GALNTL6: variants seen among roughly 807,000 people sequenced by gnomAD.
GALNTL6 encodes polypeptide N-acetylgalactosaminyltransferase like 6.
In GALNTL6, 46 loss-of-function variants were observed where a neutral mutation model predicts 73.7. That is an observed-to-expected ratio of 0.62 (90% confidence interval 0.49 to 0.80). The LOEUF is 0.80. Among genes scored for constraint, GALNTL6 ranks in the 30% least tolerant of loss-of-function variants. The probability of loss-of-function intolerance (pLI) is 0.00; values close to 1 mark genes in which losing one functional copy is unlikely to be tolerated. For missense variants in GALNTL6, 604 were observed against 755.0 expected, an observed-to-expected ratio of 0.80 and a Z score of 2.34; for synonymous variants, 259 against 263.7, an observed-to-expected ratio of 0.98 and a Z score of 0.17.
chr4:172,225,563 A>AAAAAGGAATTATTTTT (rs1280351040), intron 2 of GALNTL6, among the ~76,000 whole-genome samples: 3 of 152,020 alleles, frequency 2.0e-5, no homozygotes, highest in East Asian at 3.9e-4. Context: ...GATTTACTAG[A>AAAAAGGAATTATTTTT]CCTGAGCTGG....
chr4:172,849,740 T>C (rs1243525784), intron 7 of GALNTL6, among the ~76,000 whole-genome samples: 1 of 152,224 alleles, frequency 6.6e-6, no homozygotes, highest in African/African-American at 2.4e-5. Flanking sequence ...TTGTTTTTAA[T>C]CTACATGCAA....
At chr4:171,852,985 T>C (rs900602572) in intron 2 of GALNTL6, among the ~76,000 whole-genome samples, 2 of 149,474 alleles carry the variant, frequency 1.3e-5, no homozygotes, top group Non-Finnish European at 3.0e-5. Context: ...TAGCTGGGAC[T>C]ACAGGCGCCG....
At chr4:172,652,108 T>A (rs935530193) in intron 5 of GALNTL6, among the ~76,000 whole-genome samples, 18 of 152,198 alleles carry the variant, frequency 1.2e-4, no homozygotes, top group African/African-American at 4.1e-4. Context: ...ACTGGACAAC[T>A]GGAAAAGTCA....
intron 5 of GALNTL6, among the ~76,000 whole-genome samples, chr4:172,732,389 C>A (rs1736203710): frequency 6.6e-6 from 1 of 152,090 alleles, no homozygotes; most frequent in South Asian, 2.1e-4. Context: ...GCACAGAATA[C>A]CTTTTCCATC....
intron 2 of GALNTL6, among the ~76,000 whole-genome samples, chr4:171,904,462 C>T (rs897930744): frequency 4.6e-5 from 7 of 152,046 alleles, no homozygotes; most frequent in African/African-American, 7.2e-5. Context: ...TAAAAAGAAA[C>T]GAGTAAAGCC....
intron 3 of GALNTL6, among the ~76,000 whole-genome samples, chr4:172,236,610 A>G (rs943973192): frequency 5.9e-5 from 9 of 151,960 alleles, no homozygotes; most frequent in Admixed American, 1.3e-4. Context: ...ATTTCATTAC[A>G]TACTTTGTTA....
At chr4:172,941,610 A>G (rs182117604) in intron 9 of GALNTL6, among the ~76,000 whole-genome samples, 87 of 152,286 alleles carry the variant, frequency 5.7e-4, no homozygotes, top group African/African-American at 2.0e-3. Context: ...CATTATCCCC[A>G]TTAGAACTGA....
chr4:172,688,525 A>C (rs1158129289), intron 5 of GALNTL6, among the ~76,000 whole-genome samples: 2 of 152,230 alleles, frequency 1.3e-5, no homozygotes, highest in African/African-American at 2.4e-5. Flanking sequence ...TGAACAACCC[A>C]AAAATCCCCC....
At chr4:172,587,205 C>T (rs1213581974) in intron 5 of GALNTL6, among the ~76,000 whole-genome samples, 1 of 152,166 alleles carries the variant, frequency 6.6e-6, no homozygotes, top group Admixed American at 6.5e-5. Flanking sequence ...TGAAGGAAAC[C>T]ATAGACTTCT....
intron 9 of GALNTL6, among the ~76,000 whole-genome samples, chr4:172,951,575 A>G (rs1749446267): frequency 6.6e-6 from 1 of 152,238 alleles, no homozygotes; most frequent in Non-Finnish European, 1.5e-5. Context: ...TGATCTCTCT[A>G]AAGTTGGGGG....
chr4:172,916,265 T>C (rs1438771834), intron 8 of GALNTL6, among the ~76,000 whole-genome samples: 4 of 152,082 alleles, frequency 2.6e-5, no homozygotes, highest in Non-Finnish European at 5.9e-5. Flanking sequence ...TAAGAGCTAT[T>C]TATGACAAAC....
At chr4:172,976,805 C>T (rs1477582350) in intron 10 of GALNTL6, among the ~76,000 whole-genome samples, 1 of 152,162 alleles carries the variant, frequency 6.6e-6, no homozygotes, top group Non-Finnish European at 1.5e-5. Flanking sequence ...AACCTAGAAA[C>T]ATTCTTTTAC....
At chr4:172,755,736 C>T (rs1480597947) in intron 5 of GALNTL6, among the ~76,000 whole-genome samples, 2 of 152,146 alleles carry the variant, frequency 1.3e-5, no homozygotes, top group Non-Finnish European at 2.9e-5. Context: ...TGGGAGATTG[C>T]ACTATGACTT....
At chr4:172,769,206 A>C (rs1738617227) in intron 5 of GALNTL6, among the ~76,000 whole-genome samples, 1 of 152,176 alleles carries the variant, frequency 6.6e-6, no homozygotes, top group African/African-American at 2.4e-5. Flanking sequence ...TAGTTAGAGT[A>C]GCACAATCAA....
At chr4:171,917,354 C>A (rs1209830330) in intron 2 of GALNTL6, among the ~76,000 whole-genome samples, 1 of 151,808 alleles carries the variant, frequency 6.6e-6, no homozygotes. Context: ...GCTAATTTGC[C>A]AAGGATTTGA....
At chr4:171,924,723 A>G (rs2110985614) in intron 2 of GALNTL6, among the ~76,000 whole-genome samples, 1 of 152,330 alleles carries the variant, frequency 6.6e-6, no homozygotes, top group East Asian at 1.9e-4. Context: ...CTTGTTTATC[A>G]GAACATGACT....
chr4:172,789,096 C>T (rs1739849068), intron 5 of GALNTL6, among the ~76,000 whole-genome samples: 1 of 152,136 alleles, frequency 6.6e-6, no homozygotes, highest in Non-Finnish European at 1.5e-5. Flanking sequence ...CAATTCAATT[C>T]CGAACCTGTC....
intron 2 of GALNTL6, among the ~76,000 whole-genome samples, chr4:171,864,841 GA>G (rs1397418746): frequency 6.6e-6 from 1 of 151,906 alleles, no homozygotes; most frequent in African/African-American, 2.4e-5. Flanking sequence ...TAATTATGCT[GA>G]AAAAAATATT....
chr4:172,725,461 T>A (rs1735739198), intron 5 of GALNTL6, among the ~76,000 whole-genome samples: 1 of 152,208 alleles, frequency 6.6e-6, no homozygotes, highest in Non-Finnish European at 1.5e-5. Flanking sequence ...CAAATAAGGA[T>A]CTTCTTCTCA....
Sources: allele counts gnomAD v4.1 joint callset (sites outside exome capture counted in the v4.1 genomes callset), GRCh38; gene constraint gnomAD v4.1.1; transcripts MANE v1.5; gene names NCBI Gene and HGNC (gene_info 2026-07-23, HGNC 2026-07-21).